The following MAPK10 variants were observed in gnomAD, a reference collection of about 807,000 sequenced individuals.
MAPK10 encodes the protein JNK3 alpha protein kinase.
In MAPK10, 25 loss-of-function variants were observed where a neutral mutation model predicts 59.3. The observed-to-expected ratio is 0.42, with a 90% confidence interval of 0.31 to 0.59. The LOEUF (loss-of-function observed/expected upper bound fraction) is 0.59, where lower values mean the gene tolerates loss of function less well. Among genes scored for constraint, MAPK10 ranks in the 20% least tolerant of loss-of-function variants. The pLI, the probability that MAPK10 is intolerant of heterozygous loss-of-function variation, is 0.15. For synonymous variants in MAPK10, 190 were observed against 200.5 expected, an observed-to-expected ratio of 0.95 and a Z score of 0.44; for missense variants, 351 against 568.9, an observed-to-expected ratio of 0.62 and a Z score of 3.90.
chr4:86,156,236 T>C (rs924666458), intron 4 of MAPK10, among the ~76,000 whole-genome samples: 3 of 152,042 alleles, frequency 2.0e-5, no homozygotes, highest in Non-Finnish European at 1.5e-5. Context: ...ACTATGATTA[T>C]TTCAACTTTA....
At chr4:86,148,964 T>C (rs570010729) in intron 4 of MAPK10, among the ~76,000 whole-genome samples, 1 of 152,266 alleles carries the variant, frequency 6.6e-6, no homozygotes, top group East Asian at 1.9e-4. Context: ...GGTTAGATAA[T>C]GATTGACCAT....
Position 86,418,352 on chromosome 4 carries a change from T to A in MAPK10, c.-122+34678A>T, listed in dbSNP as rs149267968. Among the ~76,000 whole-genome samples the A allele has an allele frequency of 1.3e-3, 205 of 152,318 alleles. 1 individual carries two copies. The highest frequency in any genetic ancestry group is 4.6e-3 in the African/African-American group (192 of 41,562). On this transcript the variant is annotated intron_variant, in intron 1 of 13. Coordinates refer to the MAPK10 transcript ENST00000361569. The stretch of plus-strand genomic sequence containing the variant: ...TTTAAACCCATGTTTTCTAAACTTG[T>A]GTACTTTTTTTCCAGTGCCACAGAA...
intron 1 of MAPK10, among the ~76,000 whole-genome samples, chr4:86,556,243 T>C (rs186978516): frequency 0.015 from 2,330 of 152,320 alleles, 31 homozygotes; most frequent in Non-Finnish European, 0.02. Context: ...TGAGAAAATA[T>C]GAGTTATCTA....
At chr4:86,345,285 T>A (rs1202726799) in intron 2 of MAPK10, among the ~76,000 whole-genome samples, 1 of 152,180 alleles carries the variant, frequency 6.6e-6, no homozygotes, top group East Asian at 1.9e-4. Flanking sequence ...TTAGGTATCA[T>A]CTCATTCTTT....
chr4:86,272,512 G>T (rs2094463489), intron 2 of MAPK10, among the ~76,000 whole-genome samples: 1 of 151,778 alleles, frequency 6.6e-6, no homozygotes, highest in African/African-American at 2.4e-5. Flanking sequence ...TAGAGGTTAA[G>T]GTTTTTTCAT....
intron 2 of MAPK10, among the ~76,000 whole-genome samples, chr4:86,343,940 AT>A (rs1334440096): frequency 6.6e-6 from 1 of 152,224 alleles, no homozygotes; most frequent in African/African-American, 2.4e-5. Context: ...TGATTTTTAA[AT>A]AAATTACATA....
chr4:86,519,548 A>G (rs1305141883), intron 1 of MAPK10, among the ~76,000 whole-genome samples: 1 of 152,132 alleles, frequency 6.6e-6, no homozygotes, highest in Non-Finnish European at 1.5e-5. Flanking sequence ...GACAGCAGAT[A>G]TTTGGTTGGT....
At chr4:86,371,673 T>C (rs1196418040) in intron 1 of MAPK10, among the ~76,000 whole-genome samples, 1 of 151,982 alleles carries the variant, frequency 6.6e-6, no homozygotes, top group South Asian at 2.1e-4. Context: ...CATTTCCAAC[T>C]GAGGTACCGG....
chr4:86,144,330 A>G (rs2064334792), intron 4 of MAPK10, among the ~76,000 whole-genome samples: 1 of 152,208 alleles, frequency 6.6e-6, no homozygotes, highest in African/African-American at 2.4e-5. Flanking sequence ...CTGGAATTTT[A>G]CATTATTAAT....
chr4:86,312,187 T>C (rs772202120), intron 2 of MAPK10, among the ~76,000 whole-genome samples: 12 of 152,138 alleles, frequency 7.9e-5, no homozygotes, highest in Non-Finnish European at 1.6e-4. Flanking sequence ...TAAATACTTC[T>C]AGTGACAAGC....
At chr4:86,244,696 C>T (rs142687199) in intron 2 of MAPK10, among the ~76,000 whole-genome samples, 37 of 152,200 alleles carry the variant, frequency 2.4e-4, no homozygotes, top group African/African-American at 7.9e-4. Flanking sequence ...AAAGTGTGTA[C>T]GTGCATTTTG....
At chr4:86,315,443 T>C (rs757839935) in intron 2 of MAPK10, among the ~76,000 whole-genome samples, 7 of 152,152 alleles carry the variant, frequency 4.6e-5, no homozygotes, top group Non-Finnish European at 1.0e-4. Context: ...CTTGACTAGA[T>C]GGATATCCCA....
chr4:86,496,854 G>A (rs150485716), intron 1 of MAPK10, among the ~76,000 whole-genome samples: 142 of 152,054 alleles, frequency 9.3e-4, no homozygotes, highest in African/African-American at 2.8e-3. Flanking sequence ...CTAAGCACAC[G>A]CTTAGTCAGC....
Position 86,116,427 on chromosome 4 carries a change from T to C in MAPK10, c.237-9075A>G, listed in dbSNP as rs554688648. 2.0e-5 allele frequency among the ~76,000 whole-genome samples: 3 copies of C among 152,356 alleles called. No individual in the cohort carries two copies. In the South Asian group the frequency reaches 6.2e-4, roughly 32 times the overall value. ...GTATAAGAATATTGTCTATATTTGG[T>C]CAGCCTGACTGTTACATCTTTCATA... On this transcript the variant is annotated intron_variant, in intron 4 of 13. Coordinates refer to ENST00000641462, the MANE Select transcript of MAPK10 (RefSeq NM_138982.4).
At chr4:86,364,251 T>C (rs1737465451), upstream of MAPK10, among the ~76,000 whole-genome samples, 4 of 152,230 alleles carry the variant, frequency 2.6e-5, no homozygotes, top group South Asian at 8.3e-4. Flanking sequence ...CTTAGCCTCC[T>C]GAGTACCTGG....
chr4:86,417,308 T>C (rs940599880), intron 1 of MAPK10, among the ~76,000 whole-genome samples: 2 of 152,210 alleles, frequency 1.3e-5, no homozygotes, highest in Non-Finnish European at 2.9e-5. Flanking sequence ...TACCTAAGTA[T>C]GGCTCAGTTT....
chr4:86,184,371 G>C (rs2077653571), intron 3 of MAPK10, among the ~76,000 whole-genome samples: 1 of 152,118 alleles, frequency 6.6e-6, no homozygotes, highest in Non-Finnish European at 1.5e-5. Flanking sequence ...GCAAGTGCTA[G>C]GGCCCAGATA....
intron 1 of MAPK10, among the ~76,000 whole-genome samples, chr4:86,546,505 C>T (rs182820950): frequency 2.7e-5 from 4 of 148,684 alleles, no homozygotes; most frequent in Admixed American, 1.3e-4. Flanking sequence ...TGCAGTGAGA[C>T]GAGATCGCGC....
intron 1 of MAPK10, among the ~76,000 whole-genome samples, chr4:86,419,435 C>T (rs1746239891): frequency 6.6e-6 from 1 of 152,120 alleles, no homozygotes; most frequent in Non-Finnish European, 1.5e-5. Context: ...AAATTACATA[C>T]ATAACAACTT....
Sources: gnomAD v4.1 joint callset for allele counts (sites outside exome capture counted in the v4.1 genomes callset) on GRCh38, gnomAD v4.1.1 for gene constraint, MANE v1.5 for transcripts, NCBI Gene and HGNC (gene_info 2026-07-23, HGNC 2026-07-21) for gene names.